Variants in ASTN2 observed in about 807,000 individuals in gnomAD.
ASTN2 encodes the protein astrotactin-2.
In ASTN2, 54 loss-of-function variants were observed where a neutral mutation model predicts 139.8. The observed-to-expected ratio is 0.39, with a 90% CI of 0.31 to 0.48. The LOEUF is 0.48. Ranked by LOEUF, ASTN2 falls within the 20% of genes least tolerant of loss-of-function variation. The pLI, the probability that ASTN2 is intolerant of heterozygous loss-of-function variation, is 0.95. For missense variants in ASTN2, 1,565 were observed against 1,725.1 expected, an observed-to-expected ratio of 0.91 and a Z score of 1.64; for synonymous variants, 756 against 719.5, an observed-to-expected ratio of 1.05 and a Z score of -0.81.
At chr9:117,281,667 T>C (rs746615995) in intron 2 of ASTN2, among the ~76,000 whole-genome samples, 6 of 152,154 alleles carry the variant, frequency 3.9e-5, no homozygotes, top group Admixed American at 1.3e-4. Context: ...AAGTTGGGAA[T>C]GGTCACCAAG....
rs543056698 is a variant in ASTN2, at chr9:116,549,514, A to T, written c.3356-62014T>A. ...CTGGAGCCTGCGTGGGGACGGTCTG[A>T]CTCACAGCTGCTACTTCCTCACCCT... On this transcript the variant is annotated intron_variant, in intron 19 of 22. Coordinates refer to ENST00000313400, the MANE Select transcript of ASTN2 (RefSeq NM_001365068.1). 2.6e-5 allele frequency among the ~76,000 whole-genome samples: 4 copies of T among 152,162 alleles called. No individual in the cohort carries two copies. The South Asian group carries it at 8.3e-4, about 32-fold the overall frequency.
chr9:117,198,654 A>G (rs1477634372), intron 3 of ASTN2, among the ~76,000 whole-genome samples: 1 of 152,210 alleles, frequency 6.6e-6, no homozygotes. Context: ...GTATATACCC[A>G]GTAATGAGAT....
At chr9:117,050,085 A>G (rs1330594695) in intron 5 of ASTN2, among the ~76,000 whole-genome samples, 1 of 152,114 alleles carries the variant, frequency 6.6e-6, no homozygotes, top group Non-Finnish European at 1.5e-5. Context: ...TGATACCCAT[A>G]TTAGCCCTGT....
At chr9:116,482,151 C>T (rs750063057) in intron 20 of ASTN2, among the ~76,000 whole-genome samples, 1 of 152,084 alleles carries the variant, frequency 6.6e-6, no homozygotes, top group Non-Finnish European at 1.5e-5. Flanking sequence ...ACGGTGAAAC[C>T]CTGTCTCTAC....
intron 1 of ASTN2, among the ~76,000 whole-genome samples, chr9:117,390,020 C>G (rs1276220095): frequency 6.6e-6 from 1 of 152,134 alleles, no homozygotes; most frequent in Non-Finnish European, 1.5e-5. Flanking sequence ...GCCTTGACAG[C>G]AGTGGCTCTC....
Position 116,820,806 on chromosome 9 carries a change from G to T in ASTN2, c.2041-23C>A, listed in dbSNP as rs761297321. On this transcript the variant is annotated intron_variant, in intron 11 of 22. Transcript: ENST00000313400. ...GCACTGCTCAGAGAGAGGGCAACAG[G>T]GTAGTTATGGCTTGGGAGGTTGTAG... 6.9e-6 allele frequency: 11 copies of T among 1,599,126 alleles called. 1 individual carries two copies. The South Asian group carries it at 1.1e-4, about 16-fold the overall frequency.
intron 19 of ASTN2, among the ~76,000 whole-genome samples, chr9:116,510,468 T>C (rs1474167388): frequency 2.0e-5 from 3 of 152,138 alleles, no homozygotes; most frequent in Admixed American, 6.5e-5. Context: ...TTGCTTAGGA[T>C]TGTCTTGGCA....
chr9:117,188,321 C>T (rs986003837), intron 3 of ASTN2, among the ~76,000 whole-genome samples: 2 of 152,152 alleles, frequency 1.3e-5, no homozygotes, highest in African/African-American at 4.8e-5. Flanking sequence ...ATCCCCTAGT[C>T]AGGAAAGTTT....
intron 19 of ASTN2, among the ~76,000 whole-genome samples, chr9:116,608,176 GA>G (rs895535160): frequency 1.3e-5 from 2 of 152,198 alleles, no homozygotes; most frequent in African/African-American, 4.8e-5. Flanking sequence ...AAACCAAAGT[GA>G]TTACACTTCG....
intron 10 of ASTN2, among the ~76,000 whole-genome samples, chr9:116,905,866 T>TTGGGGG (rs1564333913): frequency 3.1e-5 from 1 of 32,624 alleles, no homozygotes; most frequent in Non-Finnish European, 8.4e-5. Flanking sequence ...TTTTTTTTTT[T>TTGGGGG]GGGGGGGGGT....
chr9:116,570,864 T>C (rs1853476196), intron 19 of ASTN2, among the ~76,000 whole-genome samples: 1 of 152,248 alleles, frequency 6.6e-6, no homozygotes, highest in Non-Finnish European at 1.5e-5. Flanking sequence ...TGTACCATCC[T>C]GACCTGTCCT....
chr9:117,397,812 AAT>A (rs1830715986), intron 1 of ASTN2, among the ~76,000 whole-genome samples: 1 of 152,178 alleles, frequency 6.6e-6, no homozygotes, highest in South Asian at 2.1e-4. Flanking sequence ...CCCTCCCCTG[AAT>A]AGTTTGTCTC....
intron 2 of ASTN2, among the ~76,000 whole-genome samples, chr9:117,271,743 T>C (rs940933184): frequency 6.6e-6 from 1 of 152,120 alleles, no homozygotes; most frequent in Non-Finnish European, 1.5e-5. Flanking sequence ...GCAGTCAAAT[T>C]TTAAAGCTCC....
intron 2 of ASTN2, among the ~76,000 whole-genome samples, chr9:117,251,777 A>G (rs999710387): frequency 6.6e-6 from 1 of 152,212 alleles, no homozygotes; most frequent in Non-Finnish European, 1.5e-5. Context: ...AGTGAAAGGC[A>G]TCAGTACTAA....
intron 19 of ASTN2, among the ~76,000 whole-genome samples, chr9:116,498,495 G>T (rs1849744791): frequency 6.6e-6 from 1 of 152,064 alleles, no homozygotes; most frequent in Admixed American, 6.6e-5. Context: ...CTATATGAGA[G>T]GCTGAAGTGG....
At position 116,472,521 on chromosome 9, in the gene ASTN2, G is replaced by A. The variant is rs546652509; in HGVS notation, c.3497+14838C>T. 1.1e-4 allele frequency among the ~76,000 whole-genome samples: 17 copies of A among 152,248 alleles called. 1 individual carries two copies. The highest frequency in any genetic ancestry group is 4.1e-4 in the African/African-American group (17 of 41,550). ...AAAGCTCTTTCAGTCTCAGCCATAA[G>A]ACTTTGAATTGCAGCTTGGTCACTG... is the stretch of plus-strand genomic sequence containing the variant. On this transcript the variant is annotated intron_variant, in intron 20 of 22. Transcript: ENST00000313400.
chr9:116,925,358 A>C (rs946303116), intron 10 of ASTN2, among the ~76,000 whole-genome samples: 1 of 152,220 alleles, frequency 6.6e-6, no homozygotes, highest in Non-Finnish European at 1.5e-5. Context: ...CAGTTAGAGA[A>C]GGAATGCCCA....
chr9:116,699,383 G>A lies in ASTN2; in HGVS notation c.2806+26388C>T. The A allele has an allele frequency of 6.2e-7, 1 of 1,614,196 alleles. No homozygotes were observed. The highest frequency in any genetic ancestry group is 8.5e-7 in the Non-Finnish European group (1 of 1,180,042). On this transcript the variant is annotated intron_variant, in intron 16 of 22. Coordinates refer to ENST00000313400, the MANE Select transcript of ASTN2 (RefSeq NM_001365068.1). This position sits in a 1 kb window ranked among gnomAD's most constrained non-coding sequence, Gnocchi z 4.2. ...ATCGGCAGAATGAGCACCACCTGGA[G>A]GGTGGCTTTTCCATTGGCTCTGTAG... is the stretch of plus-strand genomic sequence containing the variant.
At chr9:117,362,551 G>A (rs972897212) in intron 1 of ASTN2, among the ~76,000 whole-genome samples, 2 of 152,046 alleles carry the variant, frequency 1.3e-5, no homozygotes, top group African/African-American at 4.8e-5. Context: ...GGGGTCCTAT[G>A]GCCAGTCTCT....
Sources: allele counts gnomAD v4.1 joint callset (sites outside exome capture counted in the v4.1 genomes callset), GRCh38; gene constraint gnomAD v4.1.1; non-coding constraint Gnocchi (gnomAD v3.1); transcripts MANE v1.5; gene names NCBI Gene and HGNC (gene_info 2026-07-23, HGNC 2026-07-21).